ALK: variants seen among roughly 807,000 people sequenced by gnomAD.
ALK encodes ALK receptor tyrosine kinase, also known as ALK tyrosine kinase receptor.
ALK carries 74 observed loss-of-function variants against 163.1 expected under a neutral mutation model. The observed-to-expected ratio is 0.45, with a 90% confidence interval of 0.38 to 0.55. The LOEUF (loss-of-function observed/expected upper bound fraction) is 0.55, where lower values mean the gene tolerates loss of function less well. ALK is among the 20% of genes least tolerant of loss of function. The pLI is 0.00. For synonymous variants in ALK, 960 were observed against 843.2 expected, an observed-to-expected ratio of 1.14 and a Z score of -2.40; for missense variants, 2,063 against 2,105.3, an observed-to-expected ratio of 0.98 and a Z score of 0.39.
intron 11 of ALK, among the ~76,000 whole-genome samples, chr2:29,271,678 C>T (rs1264976708): frequency 6.6e-6 from 1 of 152,262 alleles, no homozygotes; most frequent in Non-Finnish European, 1.5e-5. Flanking sequence ...GGCCCCACGC[C>T]CACGGCTTGC....
intron 3 of ALK, among the ~76,000 whole-genome samples, chr2:29,664,702 A>G (rs1677455478): frequency 6.6e-6 from 1 of 151,888 alleles, no homozygotes; most frequent in Non-Finnish European, 1.5e-5. Context: ...GCTCCACCCC[A>G]CCTTGTCCCA....
At chr2:29,240,829 G>A (rs1369480241) in intron 12 of ALK, among the ~76,000 whole-genome samples, 1 of 152,176 alleles carries the variant, frequency 6.6e-6, no homozygotes, top group Non-Finnish European at 1.5e-5. Context: ...GCCAGGGTAT[G>A]GGACTCGGCA....
At chr2:29,696,067 A>G (rs1328875623) in intron 2 of ALK, among the ~76,000 whole-genome samples, 1 of 152,216 alleles carries the variant, frequency 6.6e-6, no homozygotes, top group Non-Finnish European at 1.5e-5. Context: ...TTATTCTACT[A>G]TAAACAGACA....
At chr2:29,684,233 G>T (rs2148281226) in intron 3 of ALK, among the ~76,000 whole-genome samples, 1 of 152,228 alleles carries the variant, frequency 6.6e-6, no homozygotes, top group South Asian at 2.1e-4. Flanking sequence ...AAAAAACTCA[G>T]ATAACATTAA....
At chr2:29,773,882 A>T (rs1681098223) in intron 1 of ALK, among the ~76,000 whole-genome samples, 1 of 152,270 alleles carries the variant, frequency 6.6e-6, no homozygotes, top group Non-Finnish European at 1.5e-5. Flanking sequence ...GGCTTCTTTC[A>T]AGAGAAGGTC....
chr2:29,443,431 T>A (rs1023355903), intron 4 of ALK, among the ~76,000 whole-genome samples: 1 of 152,180 alleles, frequency 6.6e-6, no homozygotes, highest in Non-Finnish European at 1.5e-5. Context: ...GAGTGCCCCG[T>A]ATGTAAGGCC....
At chr2:29,669,201 G>A (rs1321598020) in intron 3 of ALK, among the ~76,000 whole-genome samples, 1 of 152,008 alleles carries the variant, frequency 6.6e-6, no homozygotes, top group African/African-American at 2.4e-5. Context: ...GGGTGTTAAA[G>A]TCTCTTACTA....
At chr2:29,362,867 G>GA (rs923572168) in intron 5 of ALK, among the ~76,000 whole-genome samples, 7 of 151,988 alleles carry the variant, frequency 4.6e-5, no homozygotes, top group Non-Finnish European at 7.4e-5. Flanking sequence ...CAAACAAACA[G>GA]AAAAAACATT....
At chr2:29,232,240 G>A (rs1664231709) in intron 15 of ALK, 64 bp downstream of exon 15, 6 of 1,606,016 alleles carry the variant, frequency 3.7e-6, no homozygotes, top group South Asian at 2.2e-5. Flanking sequence ...GCATGCGATG[G>A]CATCGGGGCC....
intron 9 of ALK, among the ~76,000 whole-genome samples, chr2:29,282,007 AG>A (rs1317880124): frequency 6.6e-6 from 1 of 152,132 alleles, no homozygotes; most frequent in Non-Finnish European, 1.5e-5. Context: ...ATGTGGATGG[AG>A]GGAATGGCGA....
At chr2:29,868,162 A>G (rs1449077835) in intron 1 of ALK, among the ~76,000 whole-genome samples, 1 of 152,202 alleles carries the variant, frequency 6.6e-6, no homozygotes, top group Non-Finnish European at 1.5e-5. Flanking sequence ...GGAAAAGGAA[A>G]AGGAAGGAGA....
chr2:29,242,225 T>C (rs1237063625), intron 12 of ALK, among the ~76,000 whole-genome samples: 1 of 152,162 alleles, frequency 6.6e-6, no homozygotes, highest in African/African-American at 2.4e-5. Flanking sequence ...CCCAGGTTTC[T>C]GAGTCCTGGT....
chr2:29,247,351 G>C (rs1178559207), intron 12 of ALK, among the ~76,000 whole-genome samples: 2 of 152,238 alleles, frequency 1.3e-5, no homozygotes, highest in African/African-American at 4.8e-5. Context: ...TGCTTACTAT[G>C]GGTCACTGAG....
chr2:29,305,201 G>A (rs1272628143), intron 8 of ALK, among the ~76,000 whole-genome samples: 1 of 152,210 alleles, frequency 6.6e-6, no homozygotes. Context: ...TCACCAAGGT[G>A]TAGAGGGGGC....
At chr2:29,640,332 G>A (rs1222386370) in intron 3 of ALK, among the ~76,000 whole-genome samples, 1 of 152,208 alleles carries the variant, frequency 6.6e-6, no homozygotes, top group African/African-American at 2.4e-5. Flanking sequence ...ATTCTCATGA[G>A]TGGTTTGGCA....
intron 3 of ALK, among the ~76,000 whole-genome samples, chr2:29,686,379 C>T (rs1678240532): frequency 6.6e-6 from 1 of 152,150 alleles, no homozygotes; most frequent in Non-Finnish European, 1.5e-5. Context: ...TTCCAGAAAC[C>T]ATGGCCAAAC....
At chr2:29,442,662 A>G (rs1670575937) in intron 4 of ALK, among the ~76,000 whole-genome samples, 1 of 152,110 alleles carries the variant, frequency 6.6e-6, no homozygotes, top group African/African-American at 2.4e-5. Context: ...AAATAATGAG[A>G]GTAAAAGCAC....
intron 5 of ALK, among the ~76,000 whole-genome samples, chr2:29,355,493 C>T (rs1466268677): frequency 6.6e-6 from 1 of 151,350 alleles, no homozygotes; most frequent in Non-Finnish European, 1.5e-5. Flanking sequence ...CACACACAGA[C>T]ACACACACAC....
chr2:29,311,760 C>T (rs1467371172), intron 8 of ALK, among the ~76,000 whole-genome samples: 2 of 151,966 alleles, frequency 1.3e-5, no homozygotes, highest in Non-Finnish European at 1.5e-5. Flanking sequence ...AGCCTTCTCT[C>T]ATTTATAAAA....
Sources: gnomAD v4.1 joint callset for allele counts (sites outside exome capture counted in the v4.1 genomes callset) on GRCh38, gnomAD v4.1.1 for gene constraint, MANE v1.5 for transcripts, NCBI Gene and HGNC (gene_info 2026-07-23, HGNC 2026-07-21) for gene names.